The following SPAG16 variants were observed in gnomAD, a reference collection of about 807,000 sequenced individuals.
SPAG16 encodes sperm-associated antigen 16 protein.
Under a neutral mutation model 80.4 loss-of-function variants are expected in SPAG16, and 86 were observed. That is an observed-to-expected ratio of 1.07 (90% CI 0.90 to 1.28). The LOEUF (loss-of-function observed/expected upper bound fraction) is 1.28. Among genes scored for constraint, SPAG16 ranks in the 50% most tolerant of loss-of-function variants. The probability of loss-of-function intolerance (pLI) is 0.00; values close to 1 mark genes in which losing one functional copy is unlikely to be tolerated. For synonymous variants in SPAG16, 294 were observed against 265.9 expected (o/e 1.11, Z -1.03); for missense variants, 870 against 765.3 (o/e 1.14, Z -1.61).
intron 15 of SPAG16, among the ~76,000 whole-genome samples, chr2:214,250,757 T>TAGAGAGAGAG (rs1171199832): frequency 1.1e-3 from 102 of 91,258 alleles, no homozygotes; most frequent in East Asian, 9.2e-3. Context: ...TATATATATA[T>TAGAGAGAGAG]AGAGAGAGAG....
chr2:214,389,417 G>T (rs905571554), intron 15 of SPAG16, among the ~76,000 whole-genome samples: 21 of 152,210 alleles, frequency 1.4e-4, no homozygotes, highest in African/African-American at 5.1e-4. Flanking sequence ...CAGGGCTAAT[G>T]ATTGCAATGT....
intron 11 of SPAG16, among the ~76,000 whole-genome samples, chr2:213,886,932 G>A (rs2076578161): frequency 6.6e-6 from 1 of 152,144 alleles, no homozygotes; most frequent in Non-Finnish European, 1.5e-5. Context: ...CTGGTAAGGA[G>A]TAGAAGTTTA....
intron 13 of SPAG16, among the ~76,000 whole-genome samples, chr2:214,096,616 G>C (rs10187292): frequency 0.092 from 14,020 of 151,834 alleles, 823 homozygotes; most frequent in East Asian, 0.29. Flanking sequence ...TTCTCTTTCT[G>C]AAAAACAGCT....
chr2:213,831,698 C>G (rs1235615345), intron 10 of SPAG16, among the ~76,000 whole-genome samples: 1 of 152,084 alleles, frequency 6.6e-6, no homozygotes, highest in Non-Finnish European at 1.5e-5. Context: ...TCTCCTTGAA[C>G]TGTCTCTTCA....
intron 15 of SPAG16, among the ~76,000 whole-genome samples, chr2:214,312,059 A>C (rs899159198): frequency 3.3e-5 from 5 of 152,234 alleles, no homozygotes; most frequent in Non-Finnish European, 7.3e-5. Context: ...GTATCTCCAC[A>C]CTAATAAGAG....
intron 9 of SPAG16, among the ~76,000 whole-genome samples, chr2:213,478,265 A>G (rs2073535771): frequency 6.6e-6 from 1 of 152,198 alleles, no homozygotes; most frequent in Non-Finnish European, 1.5e-5. Context: ...GAAGTCATAT[A>G]AAGATAGAAG....
At chr2:214,016,138 A>AT (rs1559695418) in intron 13 of SPAG16, among the ~76,000 whole-genome samples, 1 of 152,120 alleles carries the variant, frequency 6.6e-6, no homozygotes, top group Admixed American at 6.6e-5. Flanking sequence ...AGTGAATTTG[A>AT]TTTTAATAAA....
At chr2:213,641,097 T>C (rs2062572391) in intron 10 of SPAG16, among the ~76,000 whole-genome samples, 1 of 152,070 alleles carries the variant, frequency 6.6e-6, no homozygotes, top group Admixed American at 6.5e-5. Context: ...AGACTCTCCT[T>C]GGGTGGGGCT....
chr2:214,128,575 A>G (rs994775752), intron 14 of SPAG16, among the ~76,000 whole-genome samples: 1 of 151,828 alleles, frequency 6.6e-6, no homozygotes, highest in Non-Finnish European at 1.5e-5. Context: ...ACTCCAAAGA[A>G]ATATCTTTAA....
chr2:213,865,177 A>T (rs2075637031), intron 11 of SPAG16, among the ~76,000 whole-genome samples: 1 of 152,036 alleles, frequency 6.6e-6, no homozygotes, highest in African/African-American at 2.4e-5. Flanking sequence ...GAGAATATAA[A>T]TTTTTTGAGT....
rs1023467305 is a variant in SPAG16, at chr2:213,766,870, A to G, written c.1071-95615A>G. ...AATTCTGGCCTGCAGCTTCCTTTCA[A>G]CACTGTGATTTATTACCTGAGCACA... On this transcript the variant is annotated intron_variant, in intron 10 of 15. Coordinates refer to ENST00000331683, the MANE Select transcript of SPAG16 (RefSeq NM_024532.5). Among the ~76,000 whole-genome samples the G allele has an allele frequency of 8.9e-4, 135 of 152,202 alleles. 1 individual carries two copies. Among genetic ancestry groups the G allele is most frequent in the Non-Finnish European group, 1.9e-4 (13 of 68,034 alleles).
intron 11 of SPAG16, among the ~76,000 whole-genome samples, chr2:213,890,429 A>T (rs953337268): frequency 3.9e-5 from 6 of 152,148 alleles, no homozygotes; most frequent in Non-Finnish European, 5.9e-5. Context: ...CGTGAGCTAC[A>T]CAAAATATAT....
chr2:213,865,735 AATATAC>A (rs1293626088), intron 11 of SPAG16, among the ~76,000 whole-genome samples: 3 of 147,686 alleles, frequency 2.0e-5, no homozygotes, highest in Admixed American at 1.4e-4. Context: ...ACATATAAAT[AATATAC>A]ATATATACAT....
Position 213,668,928 on chromosome 2 carries a change from A to G in SPAG16, c.1070+178838A>G, listed in dbSNP as rs76394809. The stretch of plus-strand genomic sequence containing the variant: ...CTCCCTAAGTGCTGGGATTACAGGC[A>G]TGAGCCACTGCGCCCGGCCTGAGAA... On this transcript the variant is annotated intron_variant, in intron 10 of 15. Transcript: ENST00000331683. 2.6e-5 allele frequency among the ~76,000 whole-genome samples: 4 copies of G among 152,268 alleles called. No individual in the cohort carries two copies. In the South Asian group the frequency reaches 8.3e-4, roughly 32 times the overall value.
intron 9 of SPAG16, among the ~76,000 whole-genome samples, chr2:213,409,420 G>A (rs1311843191): frequency 1.3e-5 from 2 of 152,138 alleles, no homozygotes; most frequent in African/African-American, 4.8e-5. Flanking sequence ...AAAGGTTTAA[G>A]CAAGTTGTAA....
intron 10 of SPAG16, among the ~76,000 whole-genome samples, chr2:213,677,801 T>A (rs2064165327): frequency 6.6e-6 from 1 of 152,028 alleles, no homozygotes; most frequent in Non-Finnish European, 1.5e-5. Flanking sequence ...CCACCCCAAA[T>A]CAACAGAATA....
chr2:214,107,678 C>T (rs2053451264), intron 13 of SPAG16, among the ~76,000 whole-genome samples: 1 of 152,048 alleles, frequency 6.6e-6, no homozygotes, highest in Admixed American at 6.6e-5. Flanking sequence ...AATGCTTATT[C>T]TGTATTTAAA....
chr2:213,953,765 C>A (rs114965528), intron 12 of SPAG16, among the ~76,000 whole-genome samples: 8,223 of 151,766 alleles, frequency 0.054, 253 homozygotes, highest in South Asian at 0.076. Context: ...CATATCCATA[C>A]AAACTGACCC....
At chr2:214,070,743 C>T (rs955870957) in intron 13 of SPAG16, among the ~76,000 whole-genome samples, 1 of 151,970 alleles carries the variant, frequency 6.6e-6, no homozygotes, top group Non-Finnish European at 1.5e-5. Flanking sequence ...ACCACCCTTG[C>T]TTTCTTAGAA....
Sources: allele counts gnomAD v4.1 joint callset (sites outside exome capture counted in the v4.1 genomes callset), GRCh38; gene constraint gnomAD v4.1.1; transcripts MANE v1.5; gene names NCBI Gene and HGNC (gene_info 2026-07-23, HGNC 2026-07-21).